The following LRP1B variants were observed in gnomAD, a reference collection of about 807,000 sequenced individuals.
The protein encoded by LRP1B is LDL receptor related protein 1B, also known as low-density lipoprotein receptor-related protein 1B.
In LRP1B, 217 loss-of-function variants were observed where a neutral mutation model predicts 556.6. That is an observed-to-expected ratio of 0.39 (90% CI 0.35 to 0.44). The LOEUF (loss-of-function observed/expected upper bound fraction) is 0.44. Among genes scored for constraint, LRP1B ranks in the 20% least tolerant of loss-of-function variants. LRP1B has a pLI of 1.00. For missense variants in LRP1B, 5,053 were observed against 5,620.8 expected, an observed-to-expected ratio of 0.90 and a Z score of 3.23; for synonymous variants, 2,047 against 1,865.8, an observed-to-expected ratio of 1.10 and a Z score of -2.50.
In LRP1B at chr2:141,854,433, C is replaced by T. The variant is rs192693715; in HGVS notation, c.83-44032G>A. On this transcript the variant is annotated intron_variant, in intron 1 of 90. Coordinates refer to ENST00000389484, the MANE Select transcript of LRP1B (RefSeq NM_018557.3). Reference sequence around the variant, plus strand: ...TATTCTTAATTAACAACTCAATAAACGGCATTGCAAAGTTTTTCTAACACC... The same window carrying T: ...TATTCTTAATTAACAACTCAATAAATGGCATTGCAAAGTTTTTCTAACACC... Among the ~76,000 whole-genome samples, 94 of 152,074 alleles carry T rather than the reference C, an allele frequency of 6.2e-4. 1 individual carries two copies. Among genetic ancestry groups the T allele is most frequent in the African/African-American group, 2.0e-3 (85 of 41,520 alleles).
At chr2:140,295,593 G>C (rs1683566578) in intron 84 of LRP1B, among the ~76,000 whole-genome samples, 1 of 152,160 alleles carries the variant, frequency 6.6e-6, no homozygotes, top group African/African-American at 2.4e-5. Flanking sequence ...GAGCCCTGAA[G>C]CTAAATTGGC....
intron 1 of LRP1B, among the ~76,000 whole-genome samples, chr2:141,869,850 A>G (rs1284679748): frequency 2.0e-5 from 3 of 152,128 alleles, no homozygotes; most frequent in African/African-American, 7.2e-5. Context: ...GCAAGGTTTA[A>G]TCACACACAC....
At chr2:140,313,204 T>C (rs1684382158) in intron 83 of LRP1B, among the ~76,000 whole-genome samples, 1 of 151,952 alleles carries the variant, frequency 6.6e-6, no homozygotes, top group Admixed American at 6.6e-5. Flanking sequence ...ATAAACTGCA[T>C]GTCTGTATCT....
chr2:141,756,086 A>G (rs1362927877), intron 2 of LRP1B, among the ~76,000 whole-genome samples: 1 of 152,132 alleles, frequency 6.6e-6, no homozygotes, highest in Non-Finnish European at 1.5e-5. Flanking sequence ...CTATTAGTCA[A>G]CAAAACCTAT....
intron 77 of LRP1B, 41 bp from the exon 78 acceptor site, chr2:140,335,879 G>A (rs2105087532): frequency 8.0e-7 from 1 of 1,250,964 alleles, no homozygotes; most frequent in South Asian, 1.2e-5. Flanking sequence ...ATTTTCAACA[G>A]GAAATTAGCG....
rs186176589 is a variant in LRP1B, at chr2:141,033,105, T to C, written c.1790-13003A>G. 9.9e-3 allele frequency among the ~76,000 whole-genome samples: 1,497 copies of C among 151,598 alleles called. 26 individuals are homozygous for C. The highest frequency in any genetic ancestry group is 0.033 in the African/African-American group (1,360 of 41,336). On this transcript the variant is annotated intron_variant, in intron 11 of 90. Transcript: ENST00000389484. Reference sequence around the variant, plus strand: ...GAATGATTGAGTCCAGGGGTAGGCATGTACAGGACAGAAAACAGCACGTGG... The same window carrying C: ...GAATGATTGAGTCCAGGGGTAGGCACGTACAGGACAGAAAACAGCACGTGG...
intron 2 of LRP1B, among the ~76,000 whole-genome samples, chr2:141,529,000 C>T (rs1042489013): frequency 6.6e-5 from 10 of 152,132 alleles, no homozygotes; most frequent in African/African-American, 2.4e-4. Flanking sequence ...TAGATCTTAA[C>T]GTAGTATAAT....
chr2:141,261,402 C>A (rs529230536), intron 3 of LRP1B, among the ~76,000 whole-genome samples: 1 of 152,094 alleles, frequency 6.6e-6, no homozygotes, highest in Non-Finnish European at 1.5e-5. Flanking sequence ...TTCTTTCTCA[C>A]GTACAATGCT....
chr2:141,230,269 G>A (rs568820917), intron 5 of LRP1B, among the ~76,000 whole-genome samples: 7 of 152,288 alleles, frequency 4.6e-5, no homozygotes, highest in Admixed American at 4.6e-4. Flanking sequence ...TAATTCATCT[G>A]TATCTAATGC....
intron 2 of LRP1B, among the ~76,000 whole-genome samples, chr2:141,797,412 C>G (rs1416260304): frequency 6.6e-6 from 1 of 151,604 alleles, no homozygotes; most frequent in Non-Finnish European, 1.5e-5. Flanking sequence ...AACAGTTATT[C>G]TGTGTGTCAT....
chr2:140,517,016 GATA>G lies in LRP1B; in HGVS notation c.8027-8_8027-6del. ...CACATTTGTGTTTGTTTTGAACTGT[GATA>G]AAATATGGAATGTCAAACAATTTCA... On this transcript the variant is annotated splice_region_variant and splice_polypyrimidine_tract_variant and intron_variant, in intron 49 of 90. Coordinates refer to ENST00000389484, the MANE Select transcript of LRP1B (RefSeq NM_018557.3). 6.4e-7 allele frequency: 1 copy of G among 1,560,364 alleles called. No homozygotes were observed. Among genetic ancestry groups the G allele is most frequent in the Non-Finnish European group, 8.8e-7 (1 of 1,131,802 alleles).
intron 21 of LRP1B, among the ~76,000 whole-genome samples, chr2:140,908,365 AATATATATAT>A (rs71834225): frequency 1.6e-3 from 228 of 140,988 alleles, no homozygotes; most frequent in Middle Eastern, 3.7e-3. Flanking sequence ...ATATTTATAT[AATATATATAT>A]ATATATATAT....
At chr2:141,148,668 C>A (rs890409649) in intron 7 of LRP1B, among the ~76,000 whole-genome samples, 2 of 152,104 alleles carry the variant, frequency 1.3e-5, no homozygotes, top group African/African-American at 2.4e-5. Flanking sequence ...GGAAAAGTAT[C>A]CCTGTGCATG....
At chr2:141,740,451 T>G (rs1442842403) in intron 2 of LRP1B, among the ~76,000 whole-genome samples, 1 of 152,174 alleles carries the variant, frequency 6.6e-6, no homozygotes, top group Non-Finnish European at 1.5e-5. Context: ...AACATTATTT[T>G]TAATTTTTGT....
intron 7 of LRP1B, among the ~76,000 whole-genome samples, chr2:141,116,299 A>C (rs4954886): frequency 6.6e-6 from 1 of 152,098 alleles, no homozygotes; most frequent in African/African-American, 2.4e-5. Flanking sequence ...ATGATGGAAA[A>C]TGAATTAAAA....
At chr2:140,725,690 T>C (rs1687570467) in intron 35 of LRP1B, among the ~76,000 whole-genome samples, 1 of 151,232 alleles carries the variant, frequency 6.6e-6, no homozygotes, top group Non-Finnish European at 1.5e-5. Context: ...ATAATAAAAA[T>C]AAAAATAAAT....
chr2:141,125,333 T>C (rs936017471), intron 7 of LRP1B, among the ~76,000 whole-genome samples: 1 of 152,190 alleles, frequency 6.6e-6, no homozygotes, highest in Admixed American at 6.5e-5. Context: ...TTCCCATTTT[T>C]TGAAAATGTC....
intron 3 of LRP1B, among the ~76,000 whole-genome samples, chr2:141,328,783 A>G (rs1687525187): frequency 6.6e-6 from 1 of 152,194 alleles, no homozygotes; most frequent in African/African-American, 2.4e-5. Flanking sequence ...TGCTGGGCTC[A>G]GGCAAATCTG....
chr2:141,298,281 T>C (rs763186224), intron 3 of LRP1B, among the ~76,000 whole-genome samples: 102 of 152,276 alleles, frequency 6.7e-4, no homozygotes, highest in Non-Finnish European at 1.3e-3. Flanking sequence ...CCATGGCTTT[T>C]GGGAGGTACT....
Sources: allele counts gnomAD v4.1 joint callset (sites outside exome capture counted in the v4.1 genomes callset), GRCh38; gene constraint gnomAD v4.1.1; transcripts MANE v1.5; gene names NCBI Gene and HGNC (gene_info 2026-07-23, HGNC 2026-07-21).